The following ELF2 variants were observed in gnomAD, a reference collection of about 807,000 sequenced individuals.
ELF2 encodes ETS-related transcription factor Elf-2.
Under a neutral mutation model 54.8 loss-of-function variants are expected in ELF2, and 11 were observed. That is an observed-to-expected ratio of 0.20 (90% CI 0.13 to 0.33). The LOEUF (loss-of-function observed/expected upper bound fraction) is 0.33, where lower values mean the gene tolerates loss of function less well. Ranked by LOEUF, ELF2 falls within the 10% of genes least tolerant of loss-of-function variation. The probability of loss-of-function intolerance (pLI) is 1.00; values close to 1 mark genes in which losing one functional copy is unlikely to be tolerated. For missense variants in ELF2, 513 were observed against 703.0 expected (o/e 0.73, Z 3.06); for synonymous variants, 203 against 245.1 (o/e 0.83, Z 1.61).
chr4:139,058,407 G>GTATATATATATA lies in ELF2; in HGVS notation c.*564_*575dup, dbSNP rs113800639. 1.4e-5 allele frequency: 2 copies of GTATATATATATA among 142,160 alleles called. No homozygotes were observed. The highest frequency in any genetic ancestry group is 5.2e-5 in the African/African-American group (2 of 38,824). 8.8% of individuals were successfully genotyped at this position (142,160 alleles called of 1,614,324 possible). On this transcript the variant is annotated 3_prime_UTR_variant, in exon 10 of 10. Coordinates refer to ENST00000686138, the MANE Select transcript of ELF2 (RefSeq NM_001331036.3). ...AGCTATATGATATATATATATGTAT[G>GTATATATATATA]TATATATATATATATATATATATAA...
chr4:139,071,568 G>A (rs1357825180), intron 6 of ELF2, among the ~76,000 whole-genome samples: 5 of 152,026 alleles, frequency 3.3e-5, no homozygotes, highest in Non-Finnish European at 7.4e-5. Context: ...TCAACAAGGA[G>A]AAGATGGAGT....
chr4:139,150,618 G>A (rs1054448082), intron 1 of ELF2, among the ~76,000 whole-genome samples: 1 of 151,810 alleles, frequency 6.6e-6, no homozygotes, highest in Admixed American at 6.6e-5. Context: ...AGGCAATAAG[G>A]TAATGGTGTA....
intron 4 of ELF2, among the ~76,000 whole-genome samples, chr4:139,095,595 A>G (rs996280876): frequency 6.6e-6 from 1 of 152,228 alleles, no homozygotes; most frequent in Non-Finnish European, 1.5e-5. Context: ...TATACAGATG[A>G]TTACATGAGT....
intron 4 of ELF2, among the ~76,000 whole-genome samples, chr4:139,091,035 G>A (rs1055753615): frequency 6.6e-6 from 1 of 152,196 alleles, no homozygotes. Flanking sequence ...CCGGGTTCAC[G>A]CCATTCTCCT....
At chr4:139,073,353 G>C in intron 5 of ELF2, 101 bp downstream of exon 5, 1 of 668,560 alleles carries the variant, frequency 1.5e-6, no homozygotes. Flanking sequence ...GTACCTTTGA[G>C]AATTCCCAAC....
chr4:139,147,818 C>T (rs1401384414), intron 1 of ELF2, among the ~76,000 whole-genome samples: 3 of 134,396 alleles, frequency 2.2e-5, no homozygotes, highest in African/African-American at 8.4e-5. Flanking sequence ...TGGAGTTTCA[C>T]TCTTGTTGCC....
chr4:139,114,842 C>A, intron 4 of ELF2: 1 of 1,590,932 alleles, frequency 6.3e-7, no homozygotes, highest in South Asian at 1.1e-5. Context: ...CAGGCCTGGC[C>A]GCAGGGTCCC....
rs559858763 is a variant in ELF2 at position 139,098,469 on chromosome 4, CT to C, written c.239-24903del. ...TAAACAGATTTCTCTATTTTTAAAA[CT>C]TTTTTTTTTTTTTTTTGAGACAGAG... On this transcript the variant is annotated intron_variant, in intron 4 of 9. Coordinates refer to ENST00000686138, the MANE Select transcript of ELF2 (RefSeq NM_001331036.3). 9.1e-3 allele frequency among the ~76,000 whole-genome samples: 1,270 copies of C among 140,096 alleles called. 6 individuals are homozygous for C. The highest frequency in any genetic ancestry group is 0.025 in the African/African-American group (967 of 38,428). 91.9% of individuals were successfully genotyped at this position (140,096 alleles called of 152,430 possible). A position where few individuals can be genotyped will look rare whatever the true frequency, so the allele number is the denominator to read the frequency against.
In ELF2 at chr4:139,097,192, G is replaced by A. The variant is rs188899407; in HGVS notation, c.239-23625C>T. On this transcript the variant is annotated intron_variant, in intron 4 of 9. Coordinates refer to ENST00000686138, the MANE Select transcript of ELF2 (RefSeq NM_001331036.3). ...TTTTTGGTTTTTTTGTTTGTTTGTA[G>A]CCTCTGTCGCAGAGGCTGGAGAGTA... 1.3e-3 allele frequency among the ~76,000 whole-genome samples: 200 copies of A among 152,118 alleles called. 5 individuals carry two copies. In the East Asian group the frequency reaches 0.027, roughly 20 times the overall value.
chr4:139,101,455 T>A (rs928089027), intron 4 of ELF2: 1 of 152,242 alleles, frequency 6.6e-6, no homozygotes, highest in East Asian at 1.9e-4. Context: ...GGAGTTCTGT[T>A]TTCCCTAAGA....
chr4:139,170,553 C>T (rs148642978), intron 1 of ELF2, among the ~76,000 whole-genome samples: 50 of 151,038 alleles, frequency 3.3e-4, no homozygotes, highest in African/African-American at 1.2e-3. Context: ...TGAGCCACCA[C>T]GCCCAGCCAC....
At chr4:139,173,287 A>G (rs745720715) in intron 1 of ELF2, among the ~76,000 whole-genome samples, 10 of 152,184 alleles carry the variant, frequency 6.6e-5, no homozygotes, top group Non-Finnish European at 1.5e-4. Flanking sequence ...GGTAAGTCAA[A>G]AGCTAATTTA....
At chr4:139,132,353 G>A (rs942210291) in intron 3 of ELF2, among the ~76,000 whole-genome samples, 1 of 151,958 alleles carries the variant, frequency 6.6e-6, no homozygotes, top group African/African-American at 2.4e-5. Context: ...AAACATCCCT[G>A]TAACTACCAT....
At chr4:139,162,563 C>A (rs1741285894) in intron 1 of ELF2, among the ~76,000 whole-genome samples, 1 of 151,960 alleles carries the variant, frequency 6.6e-6, no homozygotes, top group African/African-American at 2.4e-5. Flanking sequence ...AATGTAAATA[C>A]AAATGGAATA....
chr4:139,160,612 G>C (rs148469872), intron 1 of ELF2, among the ~76,000 whole-genome samples: 1 of 152,178 alleles, frequency 6.6e-6, no homozygotes, highest in Non-Finnish European at 1.5e-5. Context: ...AAAAGGGTCA[G>C]TGGAAGAAAC....
intron 4 of ELF2, among the ~76,000 whole-genome samples, chr4:139,112,494 G>T (rs1345813515): frequency 6.6e-6 from 1 of 152,218 alleles, no homozygotes; most frequent in South Asian, 2.1e-4. Context: ...CTGACAGATG[G>T]CTGAATGGAG....
intron 4 of ELF2, among the ~76,000 whole-genome samples, chr4:139,094,957 C>A (rs987401572): frequency 2.6e-5 from 4 of 152,010 alleles, no homozygotes; most frequent in African/African-American, 9.7e-5. Context: ...ATACGGCAAA[C>A]CTGATGAAAC....
chr4:139,077,016 T>C lies in ELF2; in HGVS notation c.239-3449A>G, dbSNP rs73852763. Among the ~76,000 whole-genome samples the C allele has an allele frequency of 3.5e-3, 536 of 152,306 alleles. 4 individuals are homozygous for C. The highest frequency in any genetic ancestry group is 0.012 in the African/African-American group (498 of 41,580). ...TGAAGTTATCAGCCAGAAGATCTAATACTCTACGTACAACTGACAAATCGT... is the reference window on the plus strand; with the variant it reads ...TGAAGTTATCAGCCAGAAGATCTAACACTCTACGTACAACTGACAAATCGT... On this transcript the variant is annotated intron_variant, in intron 4 of 9. Transcript: ENST00000686138.
intron 6 of ELF2, among the ~76,000 whole-genome samples, chr4:139,068,339 T>C (rs1218533225): frequency 3.9e-5 from 6 of 152,218 alleles, no homozygotes; most frequent in Non-Finnish European, 5.9e-5. Flanking sequence ...TTTATATTAG[T>C]GTAGCAATAG....
Sources: allele counts gnomAD v4.1 joint callset (sites outside exome capture counted in the v4.1 genomes callset), GRCh38; gene constraint gnomAD v4.1.1; transcripts MANE v1.5; gene names NCBI Gene and HGNC (gene_info 2026-07-23, HGNC 2026-07-21).